Variants in ECHS1 observed in about 807,000 individuals in gnomAD.
The protein encoded by ECHS1 is enoyl-CoA hydratase, mitochondrial.
ECHS1 carries 19 observed loss-of-function variants against 33.5 expected under a neutral mutation model. That is an observed-to-expected ratio of 0.57 (90% CI 0.40 to 0.83). The LOEUF (loss-of-function observed/expected upper bound fraction) is 0.83, where lower values mean the gene tolerates loss of function less well. Among genes scored for constraint, ECHS1 ranks in the 40% least tolerant of loss-of-function variants. The pLI is 0.00. For missense variants in ECHS1, 365 were observed against 381.3 expected, an observed-to-expected ratio of 0.96 and a Z score of 0.36; for synonymous variants, 158 against 146.6, an observed-to-expected ratio of 1.08 and a Z score of -0.56.
At position 133,368,983 on chromosome 10, in the gene ECHS1, T is replaced by C. The variant is rs1225327881; in HGVS notation, c.454A>G (p.Ile152Val). 1.2e-6 allele frequency: 2 copies of C among 1,613,736 alleles called. No individual in the cohort carries two copies. The highest frequency in any genetic ancestry group is 1.7e-6 in the Non-Finnish European group (2 of 1,179,954). ...GCELAMMCDI[I>V]YAGEKAQFAQ... ...AACTGGGCCTTCTCACCGGCATAGA[T>C]GATATCACACATCATGGCAAGCTCA... The change falls in exon 4 of 8, where the codon ATC becomes GTC. Residue 152 changes from isoleucine (I) to valine (V), a missense_variant. Coordinates refer to ENST00000368547, the MANE Select transcript of ECHS1 (RefSeq NM_004092.4).
rs547744481 is a variant in ECHS1, at chr10:133,363,539, T to C, written c.808-606A>G. The stretch of plus-strand genomic sequence containing the variant: ...TGGCTCACGCCTATAATCCCAGCAC[T>C]GTGGGAGGCCGAGGCAGGCAGATCA... On this transcript the variant is annotated intron_variant, in intron 7 of 7. Coordinates refer to ENST00000368547, the MANE Select transcript of ECHS1 (RefSeq NM_004092.4). 4.5e-3 allele frequency among the ~76,000 whole-genome samples: 682 copies of C among 152,330 alleles called. 4 individuals carry two copies. The highest frequency in any genetic ancestry group is 0.016 in the African/African-American group (651 of 41,566).
At chr10:133,368,888 A>G (rs895585243) in intron 4 of ECHS1, 35 bp downstream of exon 4, 2 of 1,587,130 alleles carry the variant, frequency 1.3e-6, no homozygotes, top group African/African-American at 2.7e-5. Context: ...GTAATTACCT[A>G]AGGCATCTAT....
At chr10:133,368,695 C>T (rs1419598148) in intron 4 of ECHS1, among the ~76,000 whole-genome samples, 4 of 152,210 alleles carry the variant, frequency 2.6e-5, no homozygotes, top group Non-Finnish European at 5.9e-5. Flanking sequence ...CAGCCTCTCC[C>T]AACACCATCA....
intron 1 of ECHS1, 136 bp from the exon 2 acceptor site, chr10:133,370,893 A>G (rs1255929256): frequency 1.1e-5 from 8 of 741,892 alleles, no homozygotes; most frequent in African/African-American, 1.8e-5. Context: ...CCGAGTCCTC[A>G]GTGGCTCCAG....
At position 133,370,604 on chromosome 10, in the gene ECHS1, GC is replaced by G. The variant is rs1849093025; in HGVS notation, c.241del (p.Ala81ProfsTer26). Reference sequence around the variant, plus strand: ...GCCGGTGAGGACAATGGCCCCCACGGCCGGGTCCTCCTCGAAGGTCTTCAGG... The same window carrying G: ...GCCGGTGAGGACAATGGCCCCCACGGCGGGTCCTCCTCGAAGGTCTTCAGG... The part of the protein sequence containing the change: ...QALKTFEEDP[A>X]VGAIVLTGGD... On this transcript the variant is annotated frameshift_variant, in exon 2 of 8. Coordinates refer to ENST00000368547, the MANE Select transcript of ECHS1 (RefSeq NM_004092.4). LOFTEE classifies it high-confidence loss of function. 6.2e-7 allele frequency: 1 copy of G among 1,610,386 alleles called. No homozygotes were observed. The highest frequency in any genetic ancestry group is 1.3e-5 in the African/African-American group (1 of 75,042).
At chr10:133,370,089 A>T (rs1007929220) in intron 2 of ECHS1, 58 bp from the exon 3 acceptor site, 2 of 1,601,474 alleles carry the variant, frequency 1.2e-6, no homozygotes, top group Admixed American at 1.7e-5. Context: ...CACCCATCCT[A>T]TATCTCTCAG....
At chr10:133,371,022 A>C (rs572730724) in intron 1 of ECHS1, among the ~76,000 whole-genome samples, 7 of 152,240 alleles carry the variant, frequency 4.6e-5, no homozygotes, top group Non-Finnish European at 1.0e-4. Context: ...TCACGCCTGT[A>C]ATCCCAGCAA....
chr10:133,368,631 G>T (rs1849063627), intron 4 of ECHS1, among the ~76,000 whole-genome samples: 2 of 152,144 alleles, frequency 1.3e-5, no homozygotes, highest in African/African-American at 4.8e-5. Context: ...CTCTGCCATG[G>T]ACACGAATCA....
intron 5 of ECHS1, 95 bp from the exon 6 acceptor site, chr10:133,366,190 C>T: frequency 6.9e-7 from 1 of 1,454,294 alleles, no homozygotes; most frequent in East Asian, 2.3e-5. Context: ...GTGGCTGGAG[C>T]ACCCCAGCCT....
At chr10:133,371,102 G>A (rs557599177) in intron 1 of ECHS1, among the ~76,000 whole-genome samples, 3 of 152,118 alleles carry the variant, frequency 2.0e-5, no homozygotes, top group Non-Finnish European at 2.9e-5. Context: ...ACGGTGAAAC[G>A]CCGTCTCTAC....
At position 133,373,325 on chromosome 10, in the gene ECHS1, G is replaced by T. The variant is rs370494262; in HGVS notation, c.9C>A (p.Ala3=). The change falls in exon 1 of 8, where the codon GCC becomes GCA. Residue 3 remains alanine, a synonymous_variant. Coordinates refer to ENST00000368547, the MANE Select transcript of ECHS1 (RefSeq NM_004092.4). MA[A]LRVLLSCVRG... ...GGACGCAGGACAGCAGGACACGCAG[G>T]GCGGCCATGGCTCTCTGGACTCCTC... is the stretch of plus-strand genomic sequence containing the variant. The T allele has an allele frequency of 6.7e-6, 10 of 1,502,910 alleles. No homozygotes were observed. In the African/African-American group the frequency reaches 1.0e-4, roughly 15 times the overall value. 93.1% of individuals were successfully genotyped at this position (1,502,910 alleles called of 1,614,324 possible).
chr10:133,373,163 G>C (rs1287063523), intron 1 of ECHS1, 83 bp downstream of exon 1: 3 of 1,156,790 alleles, frequency 2.6e-6, no homozygotes, highest in Admixed American at 4.0e-5. Context: ...AGGTGGGAGG[G>C]GGGTGCGGTC....
chr10:133,365,650 C>T (rs1370606736), intron 6 of ECHS1, among the ~76,000 whole-genome samples: 1 of 152,246 alleles, frequency 6.6e-6, no homozygotes, highest in African/African-American at 2.4e-5. Context: ...ACCGAGCCTC[C>T]CCATGGCAGA....
chr10:133,373,342 G>A lies in ECHS1; in HGVS notation c.-9C>T, dbSNP rs938782213. 15 of 1,496,906 alleles carry A rather than the reference G, an allele frequency of 1.0e-5. No individual in the cohort carries two copies. In the South Asian group the frequency reaches 1.1e-4, roughly 11 times the overall value. The allele number at this position is 1,496,906 out of a possible 1,614,324, so 92.7% of individuals were successfully genotyped here. ...ACACGCAGGGCGGCCATGGCTCTCT[G>A]GACTCCTCGCCCGGCCCCGCGGAGC... On this transcript the variant is annotated 5_prime_UTR_variant, in exon 1 of 8. Coordinates refer to ENST00000368547, the MANE Select transcript of ECHS1 (RefSeq NM_004092.4).
At chr10:133,364,111 A>G (rs1242342352) in intron 7 of ECHS1, among the ~76,000 whole-genome samples, 1 of 151,670 alleles carries the variant, frequency 6.6e-6, no homozygotes, top group Non-Finnish European at 1.5e-5. Context: ...CGCCCGGCTA[A>G]TTTTTTGGAT....
chr10:133,363,076 GAACA>G, intron 7 of ECHS1, 143 bp from the exon 8 acceptor site: 1 of 881,874 alleles, frequency 1.1e-6, no homozygotes, highest in Non-Finnish European at 1.8e-6. Flanking sequence ...TCAGCGGCAG[GAACA>G]CCTGCCCAAT....
In ECHS1 at chr10:133,371,378, C is replaced by T. The variant is rs570999095; in HGVS notation, c.89-621G>A. Among the ~76,000 whole-genome samples the T allele has an allele frequency of 2.0e-5, 3 of 152,294 alleles. No individual in the cohort carries two copies. In the South Asian group the frequency reaches 6.2e-4, roughly 32 times the overall value. ...CCTTGGTCAGCTCTTCCCAGGACAC[C>T]ACTCTGGAGACAGCCCTGGACTCTG... is the stretch of plus-strand genomic sequence containing the variant. On this transcript the variant is annotated intron_variant, in intron 1 of 7. Transcript: ENST00000368547.
Position 133,365,993 on chromosome 10 carries a change from T to C in ECHS1, c.722A>G (p.Lys241Arg), listed in dbSNP as rs1469114840. The C allele has an allele frequency of 1.9e-6, 3 of 1,613,854 alleles. No individual in the cohort carries two copies. The highest frequency in any genetic ancestry group is 2.5e-6 in the Non-Finnish European group (3 of 1,180,042). The change falls in exon 6 of 8, where the codon AAA (lysine) becomes AGA (arginine). Residue 241 changes from lysine to arginine, a missense_variant. By Grantham distance (26) the Lys-to-Arg change is conservative (BLOSUM62 2). Transcript: ENST00000368547. ...TCCCCTACCTGCATTCACTGATTCT[T>C]TGGCCATCGCTACTACAATTTTAGA... The part of the protein sequence containing the change: ...SNSKIVVAMA[K>R]ESVNAAFEMT...
intron 1 of ECHS1, among the ~76,000 whole-genome samples, chr10:133,371,871 A>G (rs1219439947): frequency 6.6e-6 from 1 of 152,084 alleles, no homozygotes; most frequent in African/African-American, 2.4e-5. Flanking sequence ...ATCTTGGCTC[A>G]CTGCGACCTC....
Sources: allele counts gnomAD v4.1 joint callset (sites outside exome capture counted in the v4.1 genomes callset), GRCh38; gene constraint gnomAD v4.1.1; transcripts MANE v1.5; gene names NCBI Gene and HGNC (gene_info 2026-07-23, HGNC 2026-07-21).